FAM83F: variants seen among roughly 807,000 people sequenced by gnomAD.
The protein encoded by FAM83F is scaffolding CK1 anchoring protein F.
FAM83F carries 45 observed loss-of-function variants against 42.9 expected under a neutral mutation model. That is an observed-to-expected ratio of 1.05 (90% CI 0.83 to 1.35). The LOEUF (loss-of-function observed/expected upper bound fraction) is 1.35. Among genes scored for constraint, FAM83F ranks in the 40% most tolerant of loss-of-function variants. FAM83F has a pLI of 0.00. For missense variants in FAM83F, 617 were observed against 695.9 expected (o/e 0.89, Z 1.28); for synonymous variants, 306 against 298.3 (o/e 1.03, Z -0.27).
rs139303880 is a variant in FAM83F at position 40,001,927 on chromosome 22, C to G, written c.489+6396C>G. On this transcript the variant is annotated intron_variant, in intron 1 of 4. Transcript: ENST00000333407. The stretch of plus-strand genomic sequence containing the variant: ...CGTGTTTCCTGTTTCCACCTTTGAG[C>G]GAGACAGGAGTGGCTGCCCACAGCC... Among the ~76,000 whole-genome samples, 800 of 152,206 alleles carry G rather than the reference C, an allele frequency of 5.3e-3. 10 individuals carry two copies. The highest frequency in any genetic ancestry group is 0.018 in the African/African-American group (737 of 41,518).
chr22:40,019,808 C>G (rs2067509672), intron 2 of FAM83F, 79 bp from the exon 3 acceptor site: 3 of 1,519,638 alleles, frequency 2.0e-6, no homozygotes, highest in African/African-American at 2.8e-5. Context: ...CACAAGGGGG[C>G]TCTTCCTCTG....
At chr22:40,019,131 G>C (rs778059840) in intron 1 of FAM83F, 37 bp from the exon 2 acceptor site, 4 of 1,609,214 alleles carry the variant, frequency 2.5e-6, no homozygotes, top group South Asian at 1.1e-5. Flanking sequence ...TGGGCGTGTA[G>C]ACACCGTGTG....
In FAM83F at chr22:39,995,391, C is replaced by A; in HGVS notation, c.349C>A (p.Pro117Thr). The A allele has an allele frequency of 1.3e-6, 2 of 1,547,946 alleles. No individual in the cohort carries two copies. The highest frequency in any genetic ancestry group is 1.7e-6 in the Non-Finnish European group (2 of 1,146,712). ...GCCCGACCGTTCCGACACCGAGGTG[C>A]CTCCTCTGGACCTGGGCTGGACGGA... Reference protein sequence around the residue: ...YWPDRSDTEVPPLDLGWTDTG... With the variant: ...YWPDRSDTEVTPLDLGWTDTG... The change falls in exon 1 of 5, where the codon CCT becomes ACT. Residue 117 changes from proline (P) to threonine (T), a missense_variant. By Grantham distance (38) the Pro-to-Thr change is conservative. Transcript: ENST00000333407. The surrounding 1 kb of genome is among the most constrained non-coding windows in gnomAD (Gnocchi z 4.6).
rs140645542 is a variant in FAM83F, at chr22:40,021,679, C to T, written c.1169C>T (p.Pro390Leu). Reference protein sequence around the residue: ...TVEQVLPPVEPIPLGELSQKD... With the variant: ...TVEQVLPPVELIPLGELSQKD... ...GAGCAGGTGCTGCCCCCCGTGGAGC[C>T]CATCCCCTTGGGAGAGCTGAGCCAG... Residue 390 changes from proline (P) to leucine (L), a missense_variant, in exon 4 of 5, where the codon CCC becomes CTC. Physicochemically the swap from Pro to Leu is moderately conservative, Grantham distance 98 (BLOSUM62 -3). Coordinates refer to ENST00000333407, the MANE Select transcript of FAM83F (RefSeq NM_138435.4). The surrounding 1 kb of genome is among the most constrained non-coding windows in gnomAD (Gnocchi z 8.7). 74 of 1,612,136 alleles carry T rather than the reference C, an allele frequency of 4.6e-5. No homozygotes were observed. The African/African-American group carries it at 8.9e-4, about 19-fold the overall frequency.
intron 1 of FAM83F, among the ~76,000 whole-genome samples, chr22:40,003,312 G>T (rs1217608217): frequency 3.9e-5 from 6 of 152,102 alleles, no homozygotes; most frequent in African/African-American, 1.2e-4. Flanking sequence ...TCCCTGACAG[G>T]CTGAGACCTT....
chr22:40,028,494 G>A (rs2067567435), intron 4 of FAM83F, among the ~76,000 whole-genome samples: 1 of 152,172 alleles, frequency 6.6e-6, no homozygotes, highest in East Asian at 1.9e-4. Flanking sequence ...CTGGGGAAAG[G>A]CAGCCAGCGC....
chr22:39,998,011 G>A (rs1460611001), intron 1 of FAM83F: 1 of 152,300 alleles, frequency 6.6e-6, no homozygotes, highest in Non-Finnish European at 1.5e-5. Context: ...GAGGTCACGT[G>A]GGCAGAGGTC....
chr22:40,001,007 G>C (rs949230242), intron 1 of FAM83F, among the ~76,000 whole-genome samples: 2 of 152,194 alleles, frequency 1.3e-5, no homozygotes, highest in Non-Finnish European at 2.9e-5. Context: ...ATTAAGGCTG[G>C]TGGATAATGG....
At position 40,041,282 on chromosome 22, in the gene FAM83F, T is replaced by A. The variant is rs2067649233; in HGVS notation, c.*11717T>A. 1 of 152,168 alleles carries A rather than the reference T, an allele frequency of 6.6e-6. No individual in the cohort carries two copies. Among genetic ancestry groups the A allele is most frequent in the Admixed American group, 6.5e-5 (1 of 15,276 alleles). The allele number at this position is 152,168 out of a possible 1,614,324, so 9.4% of individuals were successfully genotyped here. A position where few individuals can be genotyped will look rare whatever the true frequency, so the allele number is the denominator to read the frequency against. ...TAACGAGTCTTTTTACTCTGAAAGC[T>A]GGGTGGGTTGGAACAAACAAACAGA... On this transcript the variant is annotated 3_prime_UTR_variant, in exon 5 of 5. Coordinates refer to ENST00000333407, the MANE Select transcript of FAM83F (RefSeq NM_138435.4).
intron 4 of FAM83F, among the ~76,000 whole-genome samples, chr22:40,027,520 A>G (rs189886218): frequency 6.6e-6 from 1 of 152,152 alleles, no homozygotes; most frequent in Non-Finnish European, 1.5e-5. Flanking sequence ...GGCCACGCAT[A>G]CTTTGTAAAA....
chr22:40,043,434 C>CA lies in FAM83F; in HGVS notation c.*13870dup, dbSNP rs1398066185. Reference sequence around the variant, plus strand: ...GGGAAAGAACCCAGTGGCCACCAGCCAGGAGCACACGTCTTGCTCAGCATC... The same window carrying CA: ...GGGAAAGAACCCAGTGGCCACCAGCCAAGGAGCACACGTCTTGCTCAGCATC... On this transcript the variant is annotated 3_prime_UTR_variant, in exon 5 of 5. Coordinates refer to ENST00000333407, the MANE Select transcript of FAM83F (RefSeq NM_138435.4). The CA allele has an allele frequency of 1.3e-5, 2 of 152,196 alleles. No homozygotes were observed. The highest frequency in any genetic ancestry group is 2.9e-5 in the Non-Finnish European group (2 of 68,036). 9.4% of individuals were successfully genotyped at this position (152,196 alleles called of 1,614,324 possible).
At position 39,995,973 on chromosome 22, in the gene FAM83F, G is replaced by T. The variant is rs186101054; in HGVS notation, c.489+442G>T. ...GGGAGTGGGTGGCGGTGACCTTCCC[G>T]GTCCCACCTCTGCCATGCTGCTCCT... is the stretch of plus-strand genomic sequence containing the variant. On this transcript the variant is annotated intron_variant, in intron 1 of 4. Coordinates refer to ENST00000333407, the MANE Select transcript of FAM83F (RefSeq NM_138435.4). This position sits in a 1 kb window ranked among gnomAD's most constrained non-coding sequence, Gnocchi z 4.6. Among the ~76,000 whole-genome samples the T allele has an allele frequency of 2.6e-3, 395 of 152,228 alleles. No homozygotes were observed. The highest frequency in any genetic ancestry group is 9.3e-3 in the African/African-American group (385 of 41,530).
chr22:39,999,527 G>A (rs199528999), intron 1 of FAM83F, among the ~76,000 whole-genome samples: 18 of 152,214 alleles, frequency 1.2e-4, no homozygotes, highest in African/African-American at 3.9e-4. Context: ...AATCTCCTCC[G>A]CACCTCAATA....
At chr22:40,026,100 A>G (rs1267641974) in intron 4 of FAM83F, among the ~76,000 whole-genome samples, 1 of 152,202 alleles carries the variant, frequency 6.6e-6, no homozygotes, top group Non-Finnish European at 1.5e-5. Flanking sequence ...AGGTTCAGAG[A>G]GGCCAGGCCC....
chr22:40,024,782 C>G (rs8139715), intron 4 of FAM83F, among the ~76,000 whole-genome samples: 17,665 of 152,236 alleles, frequency 0.12, 1,316 homozygotes, highest in Non-Finnish European at 0.16. Flanking sequence ...ATAGAAAAAG[C>G]TCAGAGCTGA....
intron 1 of FAM83F, among the ~76,000 whole-genome samples, chr22:40,000,582 T>G (rs2067395339): frequency 6.6e-6 from 1 of 152,070 alleles, no homozygotes; most frequent in Admixed American, 6.5e-5. Context: ...TGCTGGACAT[T>G]GAGATGCTGC....
chr22:40,019,900 G>A lies in FAM83F; in HGVS notation c.671G>A (p.Arg224His), dbSNP rs536050162. ...TDFRIRNIRVRSVTGVGFYMP... is the reference protein window; with the variant it reads ...TDFRIRNIRVHSVTGVGFYMP... ...TCTTCCCAACAGAACATCCGTGTCC[G>A]CTCTGTGACAGGCGTCGGCTTCTAC... The change falls in exon 3 of 5, where the codon CGC becomes CAC. Residue 224 changes from arginine (R) to histidine (H), a missense_variant. Arg to His is a conservative substitution (Grantham distance 29). Coordinates refer to ENST00000333407, the MANE Select transcript of FAM83F (RefSeq NM_138435.4). 74 of 1,612,044 alleles carry A rather than the reference G, an allele frequency of 4.6e-5. No homozygotes were observed. Among genetic ancestry groups the A allele is most frequent in the Non-Finnish European group, 5.7e-5 (67 of 1,179,122 alleles).
chr22:39,997,298 G>C (rs1311408330), intron 1 of FAM83F, among the ~76,000 whole-genome samples: 1 of 152,232 alleles, frequency 6.6e-6, no homozygotes, highest in Non-Finnish European at 1.5e-5. Context: ...TTACTAGAAG[G>C]GGGAGACTGG....
intron 1 of FAM83F, among the ~76,000 whole-genome samples, chr22:40,016,754 T>G (rs1398896625): frequency 1.3e-5 from 2 of 151,468 alleles, no homozygotes; most frequent in East Asian, 3.9e-4. Context: ...ACTTCCGCCT[T>G]CCTGGCTCAA....
Sources: allele counts gnomAD v4.1 joint callset (sites outside exome capture counted in the v4.1 genomes callset), GRCh38; gene constraint gnomAD v4.1.1; non-coding constraint Gnocchi (gnomAD v3.1); transcripts MANE v1.5; gene names NCBI Gene and HGNC (gene_info 2026-07-23, HGNC 2026-07-21).